PYY: variants seen among roughly 807,000 people sequenced by gnomAD.
PYY encodes peptide YY.
In PYY, 12 loss-of-function variants were observed where a neutral mutation model predicts 10.3. The ratio of observed to expected loss-of-function variants is 1.17; its 90% confidence interval spans 0.75 to 1.89. The LOEUF is 1.89. Ranked by LOEUF, PYY falls within the 40% of genes most tolerant of loss-of-function variation. The pLI, the probability that PYY is intolerant of heterozygous loss-of-function variation, is 0.00. For synonymous variants in PYY, 66 were observed against 62.0 expected, an observed-to-expected ratio of 1.06 and a Z score of -0.30; for missense variants, 141 against 134.0, an observed-to-expected ratio of 1.05 and a Z score of -0.26.
chr17:43,975,725 AATAT>A lies in PYY; in HGVS notation c.-462-9197_-462-9194del, dbSNP rs745420304. 7.1e-3 allele frequency among the ~76,000 whole-genome samples: 598 copies of A among 83,736 alleles called. 113 individuals are homozygous for A. The highest frequency in any genetic ancestry group is 0.035 in the African/African-American group (446 of 12,834). 54.9% of individuals were successfully genotyped at this position (83,736 alleles called of 152,430 possible). On this transcript the variant is annotated intron_variant, in intron 1 of 6. Coordinates refer to the PYY transcript ENST00000360085. ...CAGGAGTAAGACCCTGAAAAAAAAA[AATAT>A]ATATATATATATATATACACACACA...
upstream of PYY, among the ~76,000 whole-genome samples, chr17:43,954,486 C>G (rs565331187): frequency 4.6e-5 from 7 of 152,308 alleles, no homozygotes; most frequent in South Asian, 6.2e-4. Context: ...GACCTTGGCT[C>G]CTGACCTGCA....
chr17:43,982,440 A>G (rs907528345), intron 1 of PYY, among the ~76,000 whole-genome samples: 5 of 152,284 alleles, frequency 3.3e-5, no homozygotes, highest in African/African-American at 1.2e-4. Context: ...ACACTCATGT[A>G]CGCCACTTAA....
intron 1 of PYY, among the ~76,000 whole-genome samples, chr17:43,973,424 G>A (rs1235815176): frequency 1.1e-4 from 17 of 152,262 alleles, no homozygotes; most frequent in Non-Finnish European, 1.5e-5. Flanking sequence ...TACCAGAAGG[G>A]GCTGTGTGAG....
chr17:43,957,766 C>G (rs2048683899), upstream of PYY, among the ~76,000 whole-genome samples: 1 of 152,040 alleles, frequency 6.6e-6, no homozygotes, highest in Non-Finnish European at 1.5e-5. Context: ...TCCCAGTGCG[C>G]TGGGAGACCA....
Position 43,953,457 on chromosome 17 carries a change from G to A in PYY, c.27C>T (p.Pro9=). The change falls in exon 2 of 4, where the codon CCC becomes CCT. Residue 9 remains proline, a synonymous_variant. Coordinates refer to ENST00000692052, the MANE Select transcript of PYY (RefSeq NM_001394028.1). ...GGGCCAGAAGCACTGTGGTCAAGGC[G>A]GGCCACGGCCTGCGCACGAACACCA... The part of the protein sequence containing the change: MVFVRRPW[P]ALTTVLLALL... 1 of 1,607,414 alleles carries A rather than the reference G, an allele frequency of 6.2e-7. No individual in the cohort carries two copies. Among genetic ancestry groups the A allele is most frequent in the Non-Finnish European group, 8.5e-7 (1 of 1,176,504 alleles).
chr17:44,003,374 G>A (rs980914432), intron 1 of PYY, among the ~76,000 whole-genome samples: 124 of 152,144 alleles, frequency 8.2e-4, no homozygotes, highest in African/African-American at 2.8e-3. Flanking sequence ...AGGTTAAAGA[G>A]GGCCGGGCGT....
At chr17:43,971,231 T>C (rs2048790591) in intron 1 of PYY, among the ~76,000 whole-genome samples, 1 of 152,182 alleles carries the variant, frequency 6.6e-6, no homozygotes, top group Non-Finnish European at 1.5e-5. Flanking sequence ...ATTTTTTATA[T>C]TACCCATTCT....
intron 1 of PYY, among the ~76,000 whole-genome samples, chr17:43,984,384 G>T (rs889613638): frequency 6.6e-6 from 1 of 152,216 alleles, no homozygotes; most frequent in African/African-American, 2.4e-5. Context: ...CCTAAACACA[G>T]CTACCATCGA....
intron 1 of PYY, among the ~76,000 whole-genome samples, chr17:43,989,181 T>A (rs552315093): frequency 1.3e-5 from 2 of 151,898 alleles, no homozygotes; most frequent in African/African-American, 4.8e-5. Flanking sequence ...AAGACCATCC[T>A]GGCTAACACG....
chr17:43,996,178 G>C (rs892500780), intron 1 of PYY, among the ~76,000 whole-genome samples: 12 of 152,098 alleles, frequency 7.9e-5, no homozygotes, highest in African/African-American at 2.7e-4. Flanking sequence ...GACCAGGTGG[G>C]CTTGAAGCCT....
rs376050334 is a variant in PYY, at chr17:43,985,101, A to G, written c.-462-18569T>C. On this transcript the variant is annotated intron_variant, in intron 1 of 6. Transcript: ENST00000360085. ...AGGCAACTCTCAAAATTAAGAAAACATATTCACAACGTATACAACCAAAGA... is the reference window on the plus strand; with the variant it reads ...AGGCAACTCTCAAAATTAAGAAAACGTATTCACAACGTATACAACCAAAGA... Among the ~76,000 whole-genome samples the G allele has an allele frequency of 2.0e-5, 3 of 152,356 alleles. 1 individual carries two copies. Among genetic ancestry groups the G allele is most frequent in the African/African-American group, 7.2e-5 (3 of 41,574 alleles).
intron 1 of PYY, among the ~76,000 whole-genome samples, chr17:43,979,728 A>G (rs2143936500): frequency 6.8e-6 from 1 of 147,716 alleles, no homozygotes; most frequent in Non-Finnish European, 1.5e-5. Flanking sequence ...GCGCAATCAG[A>G]AGCAGACCAG....
intron 2 of PYY, among the ~76,000 whole-genome samples, chr17:43,960,421 T>G (rs1429090586): frequency 2.8e-5 from 4 of 145,408 alleles, no homozygotes; most frequent in African/African-American, 1.0e-4. Context: ...CAGGTGCCTG[T>G]AATCCCAGCT....
rs2143882086 is a variant in PYY at position 43,952,872 on chromosome 17, A to G, written c.*84T>C. ...TGCCCAGACGCCGCCGTCGGGAGGC[A>G]GAATCCGGGTTTCTGGGGTCGGGAG... On this transcript the variant is annotated 3_prime_UTR_variant, in exon 4 of 4. Coordinates refer to ENST00000692052, the MANE Select transcript of PYY (RefSeq NM_001394028.1). 7.0e-7 allele frequency: 1 copy of G among 1,420,562 alleles called. No homozygotes were observed. The highest frequency in any genetic ancestry group is 2.6e-5 in the Admixed American group (1 of 38,138). 88.0% of individuals were successfully genotyped at this position (1,420,562 alleles called of 1,614,324 possible).
At chr17:43,953,668 T>G (rs1224155935) in intron 1 of PYY, among the ~76,000 whole-genome samples, 182 bp downstream of exon 1, 2 of 152,072 alleles carry the variant, frequency 1.3e-5, no homozygotes, top group Admixed American at 1.3e-4. Context: ...TTTCCTCATG[T>G]CAGAGGAGCA....
intron 1 of PYY, among the ~76,000 whole-genome samples, chr17:44,002,490 C>T (rs770185833): frequency 9.9e-5 from 15 of 152,200 alleles, no homozygotes; most frequent in Non-Finnish European, 1.8e-4. Flanking sequence ...AGAGGGTCCT[C>T]TTTCCCCCTC....
chr17:43,986,501 A>G (rs1380765610), intron 1 of PYY, among the ~76,000 whole-genome samples: 1 of 152,206 alleles, frequency 6.6e-6, no homozygotes, highest in Non-Finnish European at 1.5e-5. Context: ...CTTAAAGGAA[A>G]GGAGTTTGAA....
intron 2 of PYY, among the ~76,000 whole-genome samples, chr17:43,963,350 A>G (rs1028518125): frequency 7.2e-5 from 11 of 151,858 alleles, no homozygotes; most frequent in African/African-American, 2.7e-4. Context: ...TCTACTAAAA[A>G]TACAAAAATT....
upstream of PYY, among the ~76,000 whole-genome samples, chr17:43,955,743 A>G (rs914634271): frequency 6.6e-6 from 1 of 152,114 alleles, no homozygotes; most frequent in Admixed American, 6.5e-5. Context: ...AGAGACAGAG[A>G]CAGCCTTTGT....
Sources: allele counts gnomAD v4.1 joint callset (sites outside exome capture counted in the v4.1 genomes callset), GRCh38; gene constraint gnomAD v4.1.1; transcripts MANE v1.5; gene names NCBI Gene and HGNC (gene_info 2026-07-23, HGNC 2026-07-21).